MICU1: variants seen among roughly 807,000 people sequenced by gnomAD.
MICU1 encodes the protein calcium uptake protein 1, mitochondrial.
A neutral mutation model predicts 56.8 loss-of-function variants in MICU1; 45 were observed. The ratio of observed to expected loss-of-function variants is 0.79; its 90% confidence interval spans 0.62 to 1.02. The LOEUF (loss-of-function observed/expected upper bound fraction) is 1.02, where lower values mean the gene tolerates loss of function less well. MICU1 is among the 50% of genes least tolerant of loss of function. The pLI, the probability that MICU1 is intolerant of heterozygous loss-of-function variation, is 0.00. For synonymous variants in MICU1, 186 were observed against 195.1 expected (o/e 0.95, Z 0.39); for missense variants, 504 against 587.1 (o/e 0.86, Z 1.46).
chr10:72,375,648 C>A, intron 11 of MICU1, 135 bp downstream of exon 11: 1 of 733,146 alleles, frequency 1.4e-6, no homozygotes, highest in Non-Finnish European at 2.1e-6. Flanking sequence ...GGCTGAGGTG[C>A]TAATGTGAGA....
chr10:72,622,539 G>A (rs1003904945), intron 1 of MICU1, among the ~76,000 whole-genome samples: 26 of 152,156 alleles, frequency 1.7e-4, no homozygotes, highest in African/African-American at 6.0e-4. Context: ...TGGAACTGTA[G>A]AGAAAGGGAA....
intron 6 of MICU1, among the ~76,000 whole-genome samples, chr10:72,503,865 G>GACACACACAC (rs59119352): frequency 4.8e-5 from 7 of 146,302 alleles, no homozygotes; most frequent in African/African-American, 1.5e-4. Context: ...ATTTACAATA[G>GACACACACAC]ACACACACAC....
intron 1 of MICU1, among the ~76,000 whole-genome samples, chr10:72,577,339 G>A (rs937321911): frequency 8.6e-5 from 13 of 151,790 alleles, no homozygotes; most frequent in African/African-American, 2.7e-4. Flanking sequence ...GAGAAACTCC[G>A]TCTCTACTAA....
intron 1 of MICU1, among the ~76,000 whole-genome samples, chr10:72,625,241 A>G (rs541688185): frequency 3.3e-5 from 5 of 152,352 alleles, no homozygotes; most frequent in South Asian, 2.1e-4. Context: ...TCCCTTAGCT[A>G]TAAGATATTT....
chr10:72,495,233 T>TA (rs34238664), intron 6 of MICU1, among the ~76,000 whole-genome samples: 1,866 of 145,498 alleles, frequency 0.013, 9 homozygotes, highest in Admixed American at 0.021. Context: ...TTCAGAGATC[T>TA]AAAAAAAAAA....
chr10:72,471,260 A>G (rs903729501), intron 8 of MICU1, among the ~76,000 whole-genome samples: 1 of 152,028 alleles, frequency 6.6e-6, no homozygotes, highest in East Asian at 1.9e-4. Flanking sequence ...AGTTTTTTGT[A>G]TTGTTAGTAG....
At chr10:72,422,706 T>A (rs1864215227) in intron 9 of MICU1, among the ~76,000 whole-genome samples, 1 of 120,094 alleles carries the variant, frequency 8.3e-6, no homozygotes, top group Non-Finnish European at 1.9e-5. Context: ...CACTACTCTC[T>A]TTAGGTATTC....
chr10:72,444,922 A>AC (rs941087265), intron 8 of MICU1, among the ~76,000 whole-genome samples: 3 of 152,218 alleles, frequency 2.0e-5, no homozygotes, highest in African/African-American at 7.2e-5. Flanking sequence ...CTACACTCTT[A>AC]AATACCTACG....
chr10:72,567,125 G>A (rs377565236), intron 1 of MICU1, among the ~76,000 whole-genome samples: 3 of 152,030 alleles, frequency 2.0e-5, no homozygotes, highest in Admixed American at 6.6e-5. Flanking sequence ...AAAGAGAGAG[G>A]ATCATTTGAG....
At chr10:72,615,811 A>T (rs1478662066) in intron 1 of MICU1, among the ~76,000 whole-genome samples, 1 of 152,128 alleles carries the variant, frequency 6.6e-6, no homozygotes, top group Non-Finnish European at 1.5e-5. Context: ...TAACACAGTG[A>T]AACCCTGTCT....
At chr10:72,515,703 CTA>C (rs1040744719) in intron 5 of MICU1, among the ~76,000 whole-genome samples, 8 of 152,276 alleles carry the variant, frequency 5.3e-5, no homozygotes, top group African/African-American at 1.4e-4. Context: ...ACAAACATAT[CTA>C]TGTCATCTAG....
intron 10 of MICU1, among the ~76,000 whole-genome samples, chr10:72,387,375 G>T (rs1448710001): frequency 6.6e-6 from 1 of 152,106 alleles, no homozygotes; most frequent in African/African-American, 2.4e-5. Flanking sequence ...GATCTGGAAA[G>T]GTCTAGAATT....
chr10:72,448,080 G>A (rs1368030287), intron 8 of MICU1, among the ~76,000 whole-genome samples: 2 of 148,386 alleles, frequency 1.3e-5, no homozygotes, highest in Non-Finnish European at 3.0e-5. Flanking sequence ...CATAGGTGAT[G>A]AGCTCATTCA....
chr10:72,578,838 C>T (rs1840821833), intron 1 of MICU1, among the ~76,000 whole-genome samples: 1 of 152,206 alleles, frequency 6.6e-6, no homozygotes, highest in South Asian at 2.1e-4. Context: ...AACTCCTGAC[C>T]TTGTGATCCA....
At chr10:72,493,411 CGTTT>C (rs2132309479) in intron 6 of MICU1, among the ~76,000 whole-genome samples, 1 of 152,116 alleles carries the variant, frequency 6.6e-6, no homozygotes, top group African/African-American at 2.4e-5. Context: ...AGTTCTTTCT[CGTTT>C]ATTTTTATGT....
chr10:72,382,491 G>A (rs1038337429), intron 10 of MICU1, among the ~76,000 whole-genome samples: 2 of 152,128 alleles, frequency 1.3e-5, no homozygotes, highest in Non-Finnish European at 2.9e-5. Flanking sequence ...GTTTCTGTTT[G>A]AATACAGTAT....
intron 9 of MICU1, among the ~76,000 whole-genome samples, chr10:72,421,928 C>G (rs556216939): frequency 6.6e-6 from 1 of 152,314 alleles, no homozygotes; most frequent in South Asian, 2.1e-4. Context: ...TCTCTGAGCT[C>G]AGCTCAGGCC....
rs147587060 is a variant in MICU1, at chr10:72,452,074, G to A, written c.933+23026C>T. Among the ~76,000 whole-genome samples the A allele has an allele frequency of 4.1e-3, 618 of 151,698 alleles. 6 individuals carry two copies. The highest frequency in any genetic ancestry group is 0.014 in the African/African-American group (588 of 41,342). On this transcript the variant is annotated intron_variant, in intron 8 of 11. Coordinates refer to ENST00000361114, the MANE Select transcript of MICU1 (RefSeq NM_001195518.2). ...GTAGAGACAGGGTTTCACCATGTTG[G>A]CCAGGCTGGTCTTGAACTCCTGACC...
At chr10:72,411,731 G>A (rs1863822114) in intron 9 of MICU1, among the ~76,000 whole-genome samples, 1 of 152,146 alleles carries the variant, frequency 6.6e-6, no homozygotes, top group Admixed American at 6.5e-5. Flanking sequence ...GGGCATGGTA[G>A]AGGAAATGTG....
Sources: gnomAD v4.1 joint callset for allele counts (sites outside exome capture counted in the v4.1 genomes callset) on GRCh38, gnomAD v4.1.1 for gene constraint, MANE v1.5 for transcripts, NCBI Gene and HGNC (gene_info 2026-07-23, HGNC 2026-07-21) for gene names.